Variants in SIMC1 observed in about 807,000 individuals in gnomAD.
The protein encoded by SIMC1 is SUMO interacting motifs containing 1.
A neutral mutation model predicts 82.3 loss-of-function variants in SIMC1; 55 were observed. The ratio of observed to expected loss-of-function variants is 0.67; its 90% CI spans 0.54 to 0.84. SIMC1 has a LOEUF of 0.84. SIMC1 is among the 40% of genes least tolerant of loss of function. The probability of loss-of-function intolerance (pLI) is 0.00; values close to 1 mark genes in which losing one functional copy is unlikely to be tolerated. For synonymous variants in SIMC1, 353 were observed against 426.3 expected (o/e 0.83, Z 2.12); for missense variants, 915 against 1,107.2 (o/e 0.83, Z 2.46).
At chr5:176,274,415 A>C (rs1460474611) in intron 1 of SIMC1, among the ~76,000 whole-genome samples, 6 of 151,204 alleles carry the variant, frequency 4.0e-5, no homozygotes, top group Admixed American at 6.6e-5. Flanking sequence ...GCCCTTTGTC[A>C]GATGAGTAGG....
At chr5:176,334,451 A>G (rs550551288) in intron 7 of SIMC1, among the ~76,000 whole-genome samples, 14 of 152,078 alleles carry the variant, frequency 9.2e-5, no homozygotes, top group Admixed American at 3.3e-4. Flanking sequence ...ATTCAGTGAG[A>G]TCTCTCCACA....
intron 3 of SIMC1, among the ~76,000 whole-genome samples, 184 bp downstream of exon 3, chr5:176,295,446 A>G (rs1386986052): frequency 6.6e-6 from 1 of 152,228 alleles, no homozygotes; most frequent in Non-Finnish European, 1.5e-5. Context: ...GCTAAAAGAG[A>G]ATTTAATGGC....
chr5:176,258,134 C>T (rs553492979), intron 1 of SIMC1, among the ~76,000 whole-genome samples: 6 of 152,174 alleles, frequency 3.9e-5, no homozygotes, highest in African/African-American at 1.4e-4. Flanking sequence ...GGTTTGGTGC[C>T]TTTTTATGGA....
At chr5:176,270,395 A>G (rs542674231) in intron 1 of SIMC1, 1 of 152,232 alleles carries the variant, frequency 6.6e-6, no homozygotes, top group Non-Finnish European at 1.5e-5. Context: ...TTTAAGTTCA[A>G]GAACAAGCAG....
rs182185732 is a variant in SIMC1, at chr5:176,302,321, A to C, written c.1734+6001A>C. Among the ~76,000 whole-genome samples, 315 of 152,300 alleles carry C rather than the reference A, an allele frequency of 2.1e-3. 4 individuals carry two copies. The highest frequency in any genetic ancestry group is 3.9e-4 in the East Asian group (2 of 5,190). ...ACAGAATGAAGGAGAAAAAACACACAATCACCTCAATTAATGCAGAAAACA... is the reference window on the plus strand; with the variant it reads ...ACAGAATGAAGGAGAAAAAACACACCATCACCTCAATTAATGCAGAAAACA... On this transcript the variant is annotated intron_variant, in intron 4 of 9. Transcript: ENST00000429602.
At chr5:176,306,331 G>T (rs866873154) in intron 4 of SIMC1, among the ~76,000 whole-genome samples, 228 of 141,790 alleles carry the variant, frequency 1.6e-3, no homozygotes, top group Middle Eastern at 0.011. Context: ...CCATCCGGGA[G>T]GTGAGGGGCA....
rs1402056475 is a variant in SIMC1 at position 176,289,886 on chromosome 5, C to T, written c.362C>T (p.Ala121Val). The T allele has an allele frequency of 2.5e-6, 4 of 1,613,928 alleles. No homozygotes were observed. Among genetic ancestry groups the T allele is most frequent in the Middle Eastern group, 3.3e-4 (2 of 6,060 alleles). ...GTGGACAGAAGCTCTCAGCCTACAG[C>T]ACGGAGAATCATTAACAGTGATCCT... Reference protein sequence around the residue: ...GHVDRSSQPTARRIINSDPVD... With the variant: ...GHVDRSSQPTVRRIINSDPVD... The change falls in exon 2 of 10, where the codon GCA (alanine) becomes GTA (valine). Residue 121 changes from alanine (A) to valine (V), a missense_variant. By Grantham distance (64) the Ala-to-Val change is moderately conservative. Transcript: ENST00000429602.
At chr5:176,276,095 C>G (rs1392741052) in intron 1 of SIMC1, among the ~76,000 whole-genome samples, 3 of 151,812 alleles carry the variant, frequency 2.0e-5, no homozygotes, top group African/African-American at 7.3e-5. Context: ...GTGAATCCAT[C>G]TGATCCTGAA....
chr5:176,246,572 G>T (rs1156544580), intron 1 of SIMC1, among the ~76,000 whole-genome samples: 1 of 151,464 alleles, frequency 6.6e-6, no homozygotes, highest in East Asian at 1.9e-4. Context: ...CGAGTAGCTG[G>T]GATTACAGGC....
At chr5:176,256,423 G>A (rs189800802) in intron 1 of SIMC1, among the ~76,000 whole-genome samples, 3 of 151,918 alleles carry the variant, frequency 2.0e-5, no homozygotes, top group African/African-American at 7.3e-5. Flanking sequence ...TTCATCCTTC[G>A]CAAACTTTCC....
chr5:176,320,375 A>ATTTG (rs1561721752), intron 5 of SIMC1, among the ~76,000 whole-genome samples: 2 of 107,782 alleles, frequency 1.9e-5, no homozygotes, highest in African/African-American at 5.8e-5. Flanking sequence ...TTATTTATTT[A>ATTTG]TTTATTTTGA....
At chr5:176,297,643 C>T (rs112805835) in intron 4 of SIMC1, among the ~76,000 whole-genome samples, 2,620 of 152,172 alleles carry the variant, frequency 0.017, 82 homozygotes, top group African/African-American at 0.059. Context: ...TAATGGATCC[C>T]CAACTTTTTG....
chr5:176,247,061 A>G (rs28895707), intron 1 of SIMC1, among the ~76,000 whole-genome samples: 45 of 152,200 alleles, frequency 3.0e-4, no homozygotes, highest in Middle Eastern at 3.4e-3. Flanking sequence ...TAGTGCTGCA[A>G]TAAACATACA....
chr5:176,338,737 G>A (rs890806454), intron 9 of SIMC1, among the ~76,000 whole-genome samples: 4 of 151,226 alleles, frequency 2.6e-5, no homozygotes, highest in Non-Finnish European at 4.4e-5. Context: ...ACTTGGGAAA[G>A]TAAGATAGCT....
chr5:176,337,226 C>T lies in SIMC1; in HGVS notation c.2413+80C>T, dbSNP rs1765941523. The T allele has an allele frequency of 3.3e-6, 4 of 1,198,500 alleles. No homozygotes were observed. In the Admixed American group the frequency reaches 7.6e-5, roughly 23 times the overall value. 74.2% of individuals were successfully genotyped at this position (1,198,500 alleles called of 1,614,324 possible). A position where few individuals can be genotyped will look rare whatever the true frequency, so the allele number is the denominator to read the frequency against. ...ATTAGTCATAACTACACAGGATATT[C>T]TGATTTGTTGACATTGTTCCTTGGT... On this transcript the variant is annotated intron_variant, in intron 9 of 9. Transcript: ENST00000429602.
At chr5:176,245,799 A>G (rs573725033) in intron 1 of SIMC1, among the ~76,000 whole-genome samples, 179 of 152,270 alleles carry the variant, frequency 1.2e-3, no homozygotes, top group African/African-American at 4.2e-3. Context: ...GGAGGATTAC[A>G]TAATTGTTTT....
rs1237889811 is a variant in SIMC1 at position 176,277,819 on chromosome 5, G to T, written c.130-11835G>T. Reference sequence around the variant, plus strand: ...TTCCATTGATCTATATCTCTGTTTTGGTACCAGTACCATGCTGTTTTGGTG... The same window carrying T: ...TTCCATTGATCTATATCTCTGTTTTTGTACCAGTACCATGCTGTTTTGGTG... On this transcript the variant is annotated intron_variant, in intron 1 of 9. Transcript: ENST00000429602. Among the ~76,000 whole-genome samples the T allele has an allele frequency of 4.0e-5, 6 of 151,668 alleles. No individual in the cohort carries two copies. The East Asian group carries it at 1.2e-3, about 29-fold the overall frequency.
chr5:176,252,402 AG>A (rs1229900902), intron 1 of SIMC1, among the ~76,000 whole-genome samples: 2 of 146,854 alleles, frequency 1.4e-5, no homozygotes, highest in Non-Finnish European at 3.0e-5. Flanking sequence ...TGCCAGGCAG[AG>A]GGTCTCCTCA....
chr5:176,262,278 TTA>T (rs1491192913), intron 1 of SIMC1, among the ~76,000 whole-genome samples: 4 of 70,782 alleles, frequency 5.7e-5, no homozygotes, highest in African/African-American at 2.1e-4. Flanking sequence ...CATTCATGAT[TTA>T]AAAAAAAAAA....
Sources: allele counts gnomAD v4.1 joint callset (sites outside exome capture counted in the v4.1 genomes callset), GRCh38; gene constraint gnomAD v4.1.1; transcripts MANE v1.5; gene names NCBI Gene and HGNC (gene_info 2026-07-23, HGNC 2026-07-21).